The following ZNF469 variants were observed in gnomAD, a reference collection of about 807,000 sequenced individuals.
ZNF469 encodes the protein zinc finger protein 469.
In ZNF469, 1 loss-of-function variant was observed where a neutral mutation model predicts 1.0. The observed-to-expected ratio is 1.00, with a 90% confidence interval of 0.35 to 4.73. The LOEUF (loss-of-function observed/expected upper bound fraction) is 4.73, where lower values mean the gene tolerates loss of function less well. Ranked by LOEUF, ZNF469 falls within the 30% of genes most tolerant of loss-of-function variation. The pLI is 0.16. For missense variants in ZNF469, 6,100 were observed against 5,356.3 expected, an observed-to-expected ratio of 1.14 and a Z score of -4.33; for synonymous variants, 2,703 against 2,363.4, an observed-to-expected ratio of 1.14 and a Z score of -4.17.
At chr16:88,156,276 G>T in the ZNF469 span, among the ~76,000 whole-genome samples, 1 of 152,246 alleles carries the variant, frequency 6.6e-6, no homozygotes, top group African/African-American at 2.4e-5. Flanking sequence ...TTCTTATGAT[G>T]CTTTTGGTGT....
the ZNF469 span, among the ~76,000 whole-genome samples, chr16:88,330,624 G>T: frequency 1.3e-5 from 2 of 152,194 alleles, no homozygotes; most frequent in Admixed American, 1.3e-4. Flanking sequence ...GGCTTGCCAC[G>T]TGTAGAGGCA....
the ZNF469 span, among the ~76,000 whole-genome samples, chr16:88,150,100 A>G: frequency 1 from 151,862 of 152,318 alleles, 75,705 homozygotes; most frequent in Middle Eastern, 1. Context: ...CTGAGGTCAG[A>G]AGTTCGTGAC....
At chr16:88,342,696 C>T in the ZNF469 span, among the ~76,000 whole-genome samples, 1 of 152,186 alleles carries the variant, frequency 6.6e-6, no homozygotes, top group Non-Finnish European at 1.5e-5. Flanking sequence ...GCTGTGCCAG[C>T]AGGCGGTGGG....
the ZNF469 span, among the ~76,000 whole-genome samples, chr16:88,256,758 G>A: frequency 6.6e-6 from 1 of 152,108 alleles, no homozygotes; most frequent in Admixed American, 6.6e-5. Flanking sequence ...GCTGTTAGGT[G>A]AGAGGCGATA....
At chr16:88,193,187 T>C in the ZNF469 span, among the ~76,000 whole-genome samples, 1 of 35,710 alleles carries the variant, frequency 2.8e-5, no homozygotes, top group Non-Finnish European at 6.0e-5. Flanking sequence ...GTGGTGATGG[T>C]GGTGGTGGTG....
the ZNF469 span, among the ~76,000 whole-genome samples, chr16:88,367,339 A>G: frequency 6.6e-6 from 1 of 152,252 alleles, no homozygotes; most frequent in Non-Finnish European, 1.5e-5. Context: ...GAGGAAATTA[A>G]GGAACAAGAG....
At chr16:88,314,793 G>A in the ZNF469 span, among the ~76,000 whole-genome samples, 167 of 143,604 alleles carry the variant, frequency 1.2e-3, no homozygotes, top group Non-Finnish European at 2.1e-3. Flanking sequence ...GATGATGCTG[G>A]TGTGGAATAT....
At chr16:88,148,314 C>A in the ZNF469 span, among the ~76,000 whole-genome samples, 16 of 152,322 alleles carry the variant, frequency 1.1e-4, 1 homozygote, top group East Asian at 2.1e-3. Context: ...GCATGTTCTG[C>A]ACATGAATGC....
chr16:88,332,541 G>C, the ZNF469 span, among the ~76,000 whole-genome samples: 1 of 152,266 alleles, frequency 6.6e-6, no homozygotes, highest in East Asian at 1.9e-4. Context: ...CTCTGAATCT[G>C]ACTTGCAGGT....
chr16:88,342,419 G>A, the ZNF469 span, among the ~76,000 whole-genome samples: 3 of 152,176 alleles, frequency 2.0e-5, no homozygotes, highest in Non-Finnish European at 2.9e-5. Flanking sequence ...AACCTGGATG[G>A]AGCCTCAGAA....
chr16:88,210,835 A>T, the ZNF469 span, among the ~76,000 whole-genome samples: 59 of 152,274 alleles, frequency 3.9e-4, no homozygotes, highest in Non-Finnish European at 5.9e-4. Context: ...AGTGTGTTTT[A>T]ATGCCTGGTA....
At chr16:88,409,134 T>G (rs1597196476) in intron 1 of ZNF469, among the ~76,000 whole-genome samples, 1 of 152,076 alleles carries the variant, frequency 6.6e-6, no homozygotes, top group African/African-American at 2.4e-5. Context: ...ACCCCGGGAG[T>G]GCGGCCTGGA....
the ZNF469 span, among the ~76,000 whole-genome samples, chr16:88,309,652 T>C: frequency 6.8e-6 from 1 of 146,654 alleles, no homozygotes; most frequent in African/African-American, 2.6e-5. Context: ...ATGGGGGGAG[T>C]GCCCTTTGAG....
chr16:88,207,661 C>G, the ZNF469 span, among the ~76,000 whole-genome samples: 1 of 151,168 alleles, frequency 6.6e-6, no homozygotes, highest in East Asian at 2.0e-4. Context: ...CGGGGCCGCC[C>G]TGCACCTGGG....
At chr16:88,256,886 TTTTCTTTCC>T in the ZNF469 span, among the ~76,000 whole-genome samples, 30 of 101,930 alleles carry the variant, frequency 2.9e-4, no homozygotes, top group Admixed American at 1.1e-3. Flanking sequence ...TTTTCTTTTC[TTTTCTTTCC>T]TTCTTTCTTT....
intron 1 of ZNF469, among the ~76,000 whole-genome samples, chr16:88,413,103 T>A (rs926474421): frequency 2.6e-5 from 4 of 152,090 alleles, no homozygotes; most frequent in Non-Finnish European, 4.4e-5. Flanking sequence ...TCTGGGCCAT[T>A]ATCTCTGCCT....
At chr16:88,243,403 C>T in the ZNF469 span, among the ~76,000 whole-genome samples, 4 of 152,164 alleles carry the variant, frequency 2.6e-5, no homozygotes, top group Non-Finnish European at 2.9e-5. Flanking sequence ...ATATACCCAC[C>T]CCTTCTGGAA....
upstream of ZNF469, among the ~76,000 whole-genome samples, chr16:88,381,021 G>GACATGCACTCACAC (rs901235007): frequency 1.2e-5 from 1 of 81,968 alleles, no homozygotes; most frequent in East Asian, 3.7e-4. Flanking sequence ...TGCGCTCACA[G>GACATGCACTCACAC]ACATGCACTC....
the ZNF469 span, among the ~76,000 whole-genome samples, chr16:88,366,780 G>A: frequency 1.2e-4 from 18 of 144,158 alleles, no homozygotes; most frequent in Non-Finnish European, 2.1e-4. Flanking sequence ...CATCGCCACC[G>A]TCACCATCAT....
Sources: gnomAD v4.1 joint callset for allele counts (sites outside exome capture counted in the v4.1 genomes callset) on GRCh38, gnomAD v4.1.1 for gene constraint, MANE v1.5 for transcripts, NCBI Gene and HGNC (gene_info 2026-07-23, HGNC 2026-07-21) for gene names.